The following NUMB variants were observed in gnomAD, a reference collection of about 807,000 sequenced individuals.
NUMB encodes the protein NUMB endocytic adaptor protein, also known as protein numb homolog.
In NUMB, 29 loss-of-function variants were observed where a neutral mutation model predicts 59.7. The observed-to-expected ratio is 0.49, with a 90% confidence interval of 0.36 to 0.66. NUMB has a LOEUF of 0.66. Ranked by LOEUF, NUMB falls within the 30% of genes least tolerant of loss-of-function variation. The pLI, the probability that NUMB is intolerant of heterozygous loss-of-function variation, is 0.00. For missense variants in NUMB, 723 were observed against 822.0 expected, an observed-to-expected ratio of 0.88 and a Z score of 1.47; for synonymous variants, 288 against 288.2, an observed-to-expected ratio of 1.00 and a Z score of 0.01.
intron 8 of NUMB, among the ~76,000 whole-genome samples, chr14:73,290,723 A>T (rs999465055): frequency 2.0e-5 from 3 of 152,170 alleles, no homozygotes; most frequent in Non-Finnish European, 4.4e-5. Flanking sequence ...TGGGACCAGA[A>T]GTGTTTCTGA....
At chr14:73,371,823 C>T (rs1195188923) in intron 2 of NUMB, among the ~76,000 whole-genome samples, 1 of 152,092 alleles carries the variant, frequency 6.6e-6, no homozygotes, top group East Asian at 1.9e-4. Flanking sequence ...ACTGGACCTG[C>T]CAGTACCTTG....
intron 6 of NUMB, chr14:73,297,755 C>T (rs1000208294): frequency 6.5e-6 from 1 of 154,086 alleles, no homozygotes; most frequent in Non-Finnish European, 1.4e-5. Flanking sequence ...CTATGACCCC[C>T]AGTATGTTAT....
At chr14:73,406,341 G>A (rs890596485) in intron 2 of NUMB, among the ~76,000 whole-genome samples, 3 of 148,766 alleles carry the variant, frequency 2.0e-5, no homozygotes, top group East Asian at 2.0e-4. Flanking sequence ...GAGAACATGC[G>A]GTGTTTGGTT....
intron 1 of NUMB, among the ~76,000 whole-genome samples, chr14:73,454,220 T>TA (rs1052338088): frequency 3.3e-5 from 5 of 151,434 alleles, no homozygotes; most frequent in Non-Finnish European, 5.9e-5. Flanking sequence ...AATTTTTTTT[T>TA]AAAAAAAAAG....
At chr14:73,413,048 C>G (rs1896964289) in intron 1 of NUMB, among the ~76,000 whole-genome samples, 1 of 151,794 alleles carries the variant, frequency 6.6e-6, no homozygotes, top group East Asian at 1.9e-4. Context: ...GACTCCAGAG[C>G]CTATTTTTTA....
chr14:73,457,154 ACTT>A (rs903321083), intron 1 of NUMB, among the ~76,000 whole-genome samples: 12 of 151,854 alleles, frequency 7.9e-5, no homozygotes, highest in Non-Finnish European at 8.8e-5. Context: ...AGAACTCAAA[ACTT>A]CTTTTCACTT....
chr14:73,457,145 G>A (rs1884436220), intron 1 of NUMB, among the ~76,000 whole-genome samples: 1 of 152,056 alleles, frequency 6.6e-6, no homozygotes, highest in African/African-American at 2.4e-5. Context: ...GGTGGAACTA[G>A]AACTCAAAAC....
At chr14:73,362,661 C>T (rs976654806) in intron 3 of NUMB, among the ~76,000 whole-genome samples, 3 of 152,030 alleles carry the variant, frequency 2.0e-5, no homozygotes, top group Admixed American at 2.0e-4. Context: ...GTTTTGAACT[C>T]CTTGGGTCAA....
intron 6 of NUMB, among the ~76,000 whole-genome samples, chr14:73,316,070 T>C (rs1349850967): frequency 6.6e-6 from 1 of 152,032 alleles, no homozygotes. Context: ...GAGACAGGGT[T>C]TTACCATGTT....
At chr14:73,357,296 G>C (rs150445741) in intron 3 of NUMB, among the ~76,000 whole-genome samples, 1 of 148,824 alleles carries the variant, frequency 6.7e-6, no homozygotes, top group Non-Finnish European at 1.5e-5. Flanking sequence ...CCAGCTACTC[G>C]GGAGGCTGAG....
chr14:73,277,352 TA>T, intron 12 of NUMB, 59 bp from the exon 13 acceptor site: 1 of 1,290,256 alleles, frequency 7.8e-7, no homozygotes, highest in East Asian at 2.5e-5. Context: ...CCTCACCTTA[TA>T]ATCTTGGTTA....
At chr14:73,412,259 T>A (rs1431444121) in intron 1 of NUMB, among the ~76,000 whole-genome samples, 1 of 152,008 alleles carries the variant, frequency 6.6e-6, no homozygotes, top group Non-Finnish European at 1.5e-5. Context: ...TGCCAAAAGC[T>A]CTTCTAAGCA....
intron 11 of NUMB, among the ~76,000 whole-genome samples, chr14:73,280,065 G>A (rs1489024188): frequency 6.6e-6 from 1 of 152,078 alleles, no homozygotes; most frequent in Non-Finnish European, 1.5e-5. Context: ...GCTGAGGCAG[G>A]AGAATCACTT....
intron 2 of NUMB, among the ~76,000 whole-genome samples, chr14:73,399,294 C>T (rs559268488): frequency 2.0e-5 from 3 of 152,172 alleles, no homozygotes; most frequent in African/African-American, 7.2e-5. Context: ...CCGGGCACAG[C>T]GGCTCACGCC....
chr14:73,296,820 C>T (rs1206935192), intron 7 of NUMB, among the ~76,000 whole-genome samples: 1 of 152,036 alleles, frequency 6.6e-6, no homozygotes, highest in African/African-American at 2.4e-5. Context: ...GTCAGGAGTT[C>T]GAGATCAGCC....
At chr14:73,327,541 C>T (rs1237290258) in intron 4 of NUMB, among the ~76,000 whole-genome samples, 1 of 152,168 alleles carries the variant, frequency 6.6e-6, no homozygotes, top group Non-Finnish European at 1.5e-5. Flanking sequence ...AGGTGTGAGC[C>T]ACTGCACCTG....
At chr14:73,437,390 C>T (rs552234236) in intron 1 of NUMB, among the ~76,000 whole-genome samples, 2 of 152,196 alleles carry the variant, frequency 1.3e-5, no homozygotes, top group East Asian at 3.9e-4. Context: ...AGTGTTCTCT[C>T]CAGAAATTAC....
intron 1 of NUMB, among the ~76,000 whole-genome samples, chr14:73,436,055 A>G (rs1377348133): frequency 6.6e-6 from 1 of 152,138 alleles, no homozygotes; most frequent in Non-Finnish European, 1.5e-5. Flanking sequence ...GAATGGAAAA[A>G]CAAAGTGTAG....
At position 73,395,075 on chromosome 14, in the gene NUMB, G is replaced by GTGTGTA. The variant is rs1896062989; in HGVS notation, c.-101+14861_-101+14862insTACACA. Among the ~76,000 whole-genome samples, 4 of 143,532 alleles carry GTGTGTA rather than the reference G, an allele frequency of 2.8e-5. No homozygotes were observed. In the South Asian group the frequency reaches 8.5e-4, roughly 31 times the overall value. 94.2% of individuals were successfully genotyped at this position (143,532 alleles called of 152,430 possible). ...TGTGTGTGTGTGTGTGTGTGTGTGT[G>GTGTGTA]TGTGTGTGTGTGTGTGTTACATGTG... On this transcript the variant is annotated intron_variant, in intron 2 of 12. Transcript: ENST00000555238.
Sources: gnomAD v4.1 joint callset for allele counts (sites outside exome capture counted in the v4.1 genomes callset) on GRCh38, gnomAD v4.1.1 for gene constraint, MANE v1.5 for transcripts, NCBI Gene and HGNC (gene_info 2026-07-23, HGNC 2026-07-21) for gene names.